Variants in TICAM2 observed in about 807,000 individuals in gnomAD.
The protein encoded by TICAM2 is TIR domain containing adaptor molecule 2, also known as TIR domain-containing adapter molecule 2.
In TICAM2, 8 loss-of-function variants were observed where a neutral mutation model predicts 7.3. The ratio of observed to expected loss-of-function variants is 1.10; its 90% CI spans 0.65 to 1.99. The LOEUF is 1.99. Among genes scored for constraint, TICAM2 ranks in the 30% most tolerant of loss-of-function variants. The pLI is 0.00. For synonymous variants in TICAM2, 113 were observed against 99.6 expected (o/e 1.13, Z -0.80); for missense variants, 304 against 278.8 (o/e 1.09, Z -0.65).
At chr5:115,593,977 T>G (rs1040776871) in intron 1 of TICAM2, among the ~76,000 whole-genome samples, 1 of 152,232 alleles carries the variant, frequency 6.6e-6, no homozygotes, top group Non-Finnish European at 1.5e-5. Flanking sequence ...GATTGTTTTT[T>G]TATTTATTCA....
Position 115,593,075 on chromosome 5 carries a change from G to A in TICAM2, c.-60+9022C>T, listed in dbSNP as rs140292396. 2.8e-3 allele frequency among the ~76,000 whole-genome samples: 425 copies of A among 152,262 alleles called. 3 individuals carry two copies. The highest frequency in any genetic ancestry group is 9.7e-3 in the African/African-American group (402 of 41,542). On this transcript the variant is annotated intron_variant, in intron 1 of 1. Coordinates refer to ENST00000427199, the MANE Select transcript of TICAM2 (RefSeq NM_021649.7). ...AGAGAATTGCTTGAACCCAGGAGGC[G>A]GAGGTTGCAGTGAGCCGAGATCCTG... is the stretch of plus-strand genomic sequence containing the variant.
intron 1 of TICAM2, among the ~76,000 whole-genome samples, chr5:115,591,863 A>T (rs1032385439): frequency 2.6e-5 from 4 of 152,218 alleles, no homozygotes; most frequent in Admixed American, 2.0e-4. Context: ...AAAGCAAAGC[A>T]GTAATTTAAG....
At chr5:115,593,109 C>T (rs1046063460) in intron 1 of TICAM2, among the ~76,000 whole-genome samples, 6 of 152,206 alleles carry the variant, frequency 3.9e-5, no homozygotes, top group Non-Finnish European at 8.8e-5. Context: ...TGTCACTGCA[C>T]TCTAGCCTGG....
chr5:115,591,846 G>A (rs1313762904), intron 1 of TICAM2, among the ~76,000 whole-genome samples: 1 of 152,114 alleles, frequency 6.6e-6, no homozygotes, highest in African/African-American at 2.4e-5. Flanking sequence ...TGAAAAGAGA[G>A]AGAATTAAAG....
At chr5:115,587,943 G>A (rs1182596399) in intron 1 of TICAM2, among the ~76,000 whole-genome samples, 1 of 152,138 alleles carries the variant, frequency 6.6e-6, no homozygotes, top group African/African-American at 2.4e-5. Context: ...GGCCCATAAC[G>A]GAACAGGAGT....
At chr5:115,588,159 A>G (rs943838465) in intron 1 of TICAM2, among the ~76,000 whole-genome samples, 8 of 152,210 alleles carry the variant, frequency 5.3e-5, no homozygotes, top group Non-Finnish European at 1.2e-4. Flanking sequence ...AGAGGCTTTC[A>G]TTAAGAGAAG....
chr5:115,581,188 C>CAA lies in TICAM2; in HGVS notation c.68_69insTT (p.Asp24TrpfsTer60). 1 of 1,613,348 alleles carries CAA rather than the reference C, an allele frequency of 6.2e-7. No homozygotes were observed. Among genetic ancestry groups the CAA allele is most frequent in the Non-Finnish European group, 8.5e-7 (1 of 1,179,970 alleles). On this transcript the variant is annotated frameshift_variant, in exon 2 of 2. Transcript: ENST00000427199. LOFTEE classifies it low-confidence loss of function (END_TRUNC). Reference sequence around the variant, plus strand: ...ACTCATGATATCCTGGACTTGTATCCACACTGTGCCTTTTACCCCAAGAGA... The same window carrying CAA: ...ACTCATGATATCCTGGACTTGTATCCAAACACTGTGCCTTTTACCCCAAGAGA...
In TICAM2 at chr5:115,580,351, G is replaced by A; in HGVS notation, c.*198C>T. On this transcript the variant is annotated 3_prime_UTR_variant, in exon 2 of 2. Coordinates refer to ENST00000427199, the MANE Select transcript of TICAM2 (RefSeq NM_021649.7). ...GAAAAGTCCTTGAAACTCTGACAAT[G>A]TCAAGTTTACTGAAACATCAAAAAG... is the stretch of plus-strand genomic sequence containing the variant. The A allele has an allele frequency of 1.5e-6, 1 of 663,808 alleles. No individual in the cohort carries two copies. The highest frequency in any genetic ancestry group is 5.0e-5 in the South Asian group (1 of 20,184). The allele number at this position is 663,808 out of a possible 1,614,324, so 41.1% of individuals were successfully genotyped here.
At chr5:115,582,816 T>C (rs1754976269) in intron 1 of TICAM2, among the ~76,000 whole-genome samples, 1 of 152,216 alleles carries the variant, frequency 6.6e-6, no homozygotes, top group Non-Finnish European at 1.5e-5. Flanking sequence ...GCCTACATAA[T>C]TCAGGTTTAG....
At chr5:115,585,518 C>T (rs1755071667) in intron 1 of TICAM2, among the ~76,000 whole-genome samples, 1 of 152,148 alleles carries the variant, frequency 6.6e-6, no homozygotes, top group Non-Finnish European at 1.5e-5. Flanking sequence ...CTTAGATTAT[C>T]ATGGACAAGC....
intron 1 of TICAM2, among the ~76,000 whole-genome samples, chr5:115,594,885 T>G (rs927465159): frequency 1.3e-5 from 2 of 152,114 alleles, no homozygotes; most frequent in African/African-American, 4.8e-5. Context: ...TATCATGACT[T>G]TAGGAGATTT....
chr5:115,600,155 T>G (rs1343397783), intron 1 of TICAM2, among the ~76,000 whole-genome samples: 1 of 152,118 alleles, frequency 6.6e-6, no homozygotes. Flanking sequence ...TCCGGCCTAC[T>G]TGAATGGCAG....
intron 1 of TICAM2, among the ~76,000 whole-genome samples, chr5:115,590,616 C>T (rs1291036719): frequency 2.0e-5 from 3 of 152,316 alleles, no homozygotes; most frequent in South Asian, 4.1e-4. Context: ...CTATTAGCTA[C>T]AGATGTATAC....
chr5:115,601,039 C>T (rs1213018009), intron 1 of TICAM2, among the ~76,000 whole-genome samples: 1 of 152,144 alleles, frequency 6.6e-6, no homozygotes, highest in Non-Finnish European at 1.5e-5. Flanking sequence ...GTCACATTTA[C>T]TTTGCTTCAA....
intron 1 of TICAM2, among the ~76,000 whole-genome samples, chr5:115,590,944 C>T (rs1326120790): frequency 6.6e-6 from 1 of 152,186 alleles, no homozygotes; most frequent in Non-Finnish European, 1.5e-5. Context: ...ACTAAATGCT[C>T]TTTCTTGGCC....
chr5:115,580,690 GAGGGC>G lies in TICAM2; in HGVS notation c.562_566del (p.Ala188ProfsTer27). 6.3e-7 allele frequency: 1 copy of G among 1,593,608 alleles called. No homozygotes were observed. The highest frequency in any genetic ancestry group is 8.5e-7 in the Non-Finnish European group (1 of 1,172,678). ...CTTCCTCTAAGGCATTGATGGTTTG[GAGGGC>G]AAAGGGAGTCCTTTCTCGGGGAAGG... On this transcript the variant is annotated frameshift_variant, in exon 2 of 2. Coordinates refer to ENST00000427199, the MANE Select transcript of TICAM2 (RefSeq NM_021649.7). LOFTEE classifies it low-confidence loss of function (END_TRUNC).
rs140683197 is a variant in TICAM2, at chr5:115,585,835, G to C, written c.-59-4520C>G. On this transcript the variant is annotated intron_variant, in intron 1 of 1. Transcript: ENST00000427199. ...GTTGCTGCACTGAGAATAGAAGGCA[G>C]GAATAGAAGGCAGGAAGGGAAGGGT... Among the ~76,000 whole-genome samples, 1,090 of 152,152 alleles carry C rather than the reference G, an allele frequency of 7.2e-3. 12 individuals carry two copies. The highest frequency in any genetic ancestry group is 0.025 in the African/African-American group (1,038 of 41,482).
chr5:115,599,911 A>G (rs1755657066), intron 1 of TICAM2, among the ~76,000 whole-genome samples: 1 of 151,698 alleles, frequency 6.6e-6, no homozygotes, highest in Non-Finnish European at 1.5e-5. Context: ...AAGGTTTTGA[A>G]GGGAAATGAA....
chr5:115,585,349 C>T (rs1362159063), intron 1 of TICAM2, among the ~76,000 whole-genome samples: 1 of 152,178 alleles, frequency 6.6e-6, no homozygotes, highest in Non-Finnish European at 1.5e-5. Context: ...ATGCCAGTCT[C>T]TGAACTGTTT....
Sources: gnomAD v4.1 joint callset for allele counts (sites outside exome capture counted in the v4.1 genomes callset) on GRCh38, gnomAD v4.1.1 for gene constraint, MANE v1.5 for transcripts, NCBI Gene and HGNC (gene_info 2026-07-23, HGNC 2026-07-21) for gene names.